Variants in SHB observed in about 807,000 individuals in gnomAD.
The protein encoded by SHB is SH2 domain-containing adapter protein B.
Under a neutral mutation model 52.3 loss-of-function variants are expected in SHB, and 20 were observed. That is an observed-to-expected ratio of 0.38 (90% CI 0.27 to 0.56). The LOEUF (loss-of-function observed/expected upper bound fraction) is 0.56. Among genes scored for constraint, SHB ranks in the 20% least tolerant of loss-of-function variants. The probability of loss-of-function intolerance (pLI) is 0.71; values close to 1 mark genes in which losing one functional copy is unlikely to be tolerated. For missense variants in SHB, 825 were observed against 723.3 expected (o/e 1.14, Z -1.61); for synonymous variants, 397 against 316.5 (o/e 1.25, Z -2.70).
intron 2 of SHB, among the ~76,000 whole-genome samples, chr9:37,984,963 C>T (rs1050919728): frequency 6.6e-6 from 1 of 152,138 alleles, no homozygotes; most frequent in African/African-American, 2.4e-5. Context: ...TGGAGCCACC[C>T]CAACCGTCAC....
intron 1 of SHB, among the ~76,000 whole-genome samples, chr9:38,038,545 T>C (rs1028745144): frequency 4.6e-5 from 7 of 152,162 alleles, no homozygotes; most frequent in Admixed American, 1.3e-4. Flanking sequence ...ACTGAGTAGA[T>C]GAATAAATGT....
chr9:38,060,126 C>T (rs1212908643), intron 1 of SHB, among the ~76,000 whole-genome samples: 1 of 152,150 alleles, frequency 6.6e-6, no homozygotes, highest in Non-Finnish European at 1.5e-5. Context: ...GATGCTAGAT[C>T]TGGCTTCACA....
At chr9:38,063,872 A>T (rs1928246) in intron 1 of SHB, among the ~76,000 whole-genome samples, 28,424 of 151,368 alleles carry the variant, frequency 0.19, 3,538 homozygotes, top group Middle Eastern at 0.33. Context: ...ATTTAACTCA[A>T]CTCTGGATGC....
chr9:38,068,204 C>T lies in SHB; in HGVS notation c.442G>A (p.Ala148Thr), dbSNP rs1359476468. 7.2e-7 allele frequency: 1 copy of T among 1,398,118 alleles called. No individual in the cohort carries two copies. Among genetic ancestry groups the T allele is most frequent in the East Asian group, 3.0e-5 (1 of 33,432 alleles). The allele number at this position is 1,398,118 out of a possible 1,614,324, so 86.6% of individuals were successfully genotyped here. ...GAGGACGAGGACGAGGACGCGGCGGCCCCCGCGCCCGAGGAGGCGCAGCAA... is the reference window on the plus strand; with the variant it reads ...GAGGACGAGGACGAGGACGCGGCGGTCCCCGCGCCCGAGGAGGCGCAGCAA... ...GCCCASSGAG[A>T]AASSSSSSGS... Residue 148 changes from alanine to threonine, a missense_variant, in exon 1 of 6, where the codon GCC becomes ACC. Coordinates refer to ENST00000377707, the MANE Select transcript of SHB (RefSeq NM_003028.3).
intron 1 of SHB, among the ~76,000 whole-genome samples, chr9:38,038,220 C>T (rs1013054994): frequency 6.6e-6 from 1 of 152,186 alleles, no homozygotes. Flanking sequence ...GGCGCACAGG[C>T]ACCAGGCGTG....
intron 4 of SHB, among the ~76,000 whole-genome samples, chr9:37,954,647 T>C (rs1172604029): frequency 1.3e-5 from 2 of 152,190 alleles, no homozygotes; most frequent in Admixed American, 1.3e-4. Context: ...ACAAGACACC[T>C]GAGGACACCA....
chr9:37,993,866 C>T (rs1820914121), intron 2 of SHB, among the ~76,000 whole-genome samples: 1 of 152,184 alleles, frequency 6.6e-6, no homozygotes, highest in Non-Finnish European at 1.5e-5. Context: ...CTGAGATCAA[C>T]TCCAAGAGCA....
At chr9:37,951,438 C>A (rs181410359) in intron 4 of SHB, among the ~76,000 whole-genome samples, 4 of 152,338 alleles carry the variant, frequency 2.6e-5, no homozygotes, top group Admixed American at 6.5e-5. Context: ...TCAGGAGAAA[C>A]AAAGACAGCA....
chr9:38,051,599 G>A (rs192374349), intron 1 of SHB, among the ~76,000 whole-genome samples: 3 of 152,312 alleles, frequency 2.0e-5, no homozygotes, highest in African/African-American at 4.8e-5. Flanking sequence ...CAGCTGTCCT[G>A]TGGGTGATGA....
chr9:37,951,449 T>C (rs551413637), intron 4 of SHB, among the ~76,000 whole-genome samples: 3 of 152,344 alleles, frequency 2.0e-5, no homozygotes, highest in East Asian at 1.9e-4. Flanking sequence ...AAAGACAGCA[T>C]TGACTTCGGA....
intron 5 of SHB, among the ~76,000 whole-genome samples, chr9:37,920,449 C>T (rs74453558): frequency 6.6e-6 from 1 of 152,320 alleles, no homozygotes; most frequent in East Asian, 1.9e-4. Flanking sequence ...GGGGTCATCA[C>T]CCCCAGTTTC....
chr9:38,015,266 C>A, intron 2 of SHB: 1 of 604,462 alleles, frequency 1.7e-6, no homozygotes, highest in Non-Finnish European at 3.0e-6. Flanking sequence ...GTGACCTCCC[C>A]CTAATCCTGC....
intron 2 of SHB, among the ~76,000 whole-genome samples, chr9:37,977,083 G>T (rs1380185519): frequency 1.3e-5 from 2 of 152,226 alleles, no homozygotes; most frequent in East Asian, 3.9e-4. Flanking sequence ...CTACCAGTTG[G>T]GTGGTAGTAA....
At chr9:37,973,539 A>G (rs1393916015) in intron 3 of SHB, among the ~76,000 whole-genome samples, 2 of 152,228 alleles carry the variant, frequency 1.3e-5, no homozygotes, top group Non-Finnish European at 2.9e-5. Flanking sequence ...ATTTTTTATC[A>G]TAACTTTGGC....
chr9:38,038,126 C>T (rs1268914284), intron 1 of SHB, among the ~76,000 whole-genome samples: 3 of 152,158 alleles, frequency 2.0e-5, no homozygotes, highest in Non-Finnish European at 2.9e-5. Flanking sequence ...TCCGGCTCTG[C>T]CCTCCCCATC....
chr9:37,929,003 G>A (rs1319377356), intron 5 of SHB, among the ~76,000 whole-genome samples: 1 of 152,262 alleles, frequency 6.6e-6, no homozygotes, highest in African/African-American at 2.4e-5. Flanking sequence ...TAGCCCAAAG[G>A]GGGCCAGCGC....
chr9:37,980,595 A>G (rs939914510), intron 2 of SHB, among the ~76,000 whole-genome samples: 2 of 152,210 alleles, frequency 1.3e-5, no homozygotes, highest in African/African-American at 4.8e-5. Flanking sequence ...GACCCCTTTC[A>G]TGAATCACAA....
intron 1 of SHB, among the ~76,000 whole-genome samples, chr9:38,065,346 A>T (rs1228323203): frequency 1.3e-5 from 2 of 152,142 alleles, no homozygotes; most frequent in Non-Finnish European, 1.5e-5. Flanking sequence ...TCTGCATCCC[A>T]AGGCTGCCCT....
At chr9:38,049,214 G>A (rs544078283) in intron 1 of SHB, among the ~76,000 whole-genome samples, 9 of 152,266 alleles carry the variant, frequency 5.9e-5, no homozygotes, top group African/African-American at 1.4e-4. Flanking sequence ...GTAGAGATGC[G>A]GTCTCCCTAT....
Sources: gnomAD v4.1 joint callset for allele counts (sites outside exome capture counted in the v4.1 genomes callset) on GRCh38, gnomAD v4.1.1 for gene constraint, MANE v1.5 for transcripts, NCBI Gene and HGNC (gene_info 2026-07-23, HGNC 2026-07-21) for gene names.